SHANK1: variants seen among roughly 807,000 people sequenced by gnomAD.
SHANK1 encodes the protein SH3 and multiple ankyrin repeat domains 1.
SHANK1 carries 35 observed loss-of-function variants against 165.6 expected under a neutral mutation model. The observed-to-expected ratio is 0.21, with a 90% CI of 0.16 to 0.28. The LOEUF is 0.28. Among genes scored for constraint, SHANK1 ranks in the 10% least tolerant of loss-of-function variants. The pLI is 1.00. For synonymous variants in SHANK1, 1,428 were observed against 1,384.8 expected, an observed-to-expected ratio of 1.03 and a Z score of -0.69; for missense variants, 2,681 against 3,036.4, an observed-to-expected ratio of 0.88 and a Z score of 2.75.
chr19:50,668,987 C>T lies in SHANK1; in HGVS notation c.2973G>A (p.Gly991=), dbSNP rs1306796482. Residue 991 remains glycine, a synonymous_variant, in exon 23 of 24, where the codon GGG becomes GGA. Transcript: ENST00000293441. ...GGTGGTGGTGGGCCGGGGGCAGGGG[C>T]CCACTGTGGTACAGGCTCTTCTCGC... is the stretch of plus-strand genomic sequence containing the variant. ...GSREKSLYHS[G]PLPPAHHHPP... is the part of the protein sequence containing the mutation. 2.8e-6 allele frequency: 2 copies of T among 705,576 alleles called. No individual in the cohort carries two copies. Among genetic ancestry groups the T allele is most frequent in the South Asian group, 2.0e-5 (1 of 49,464 alleles). The allele number at this position is 705,576 out of a possible 1,614,324, so 43.7% of individuals were successfully genotyped here.
At chr19:50,715,807 G>T in intron 3 of SHANK1, 77 bp from the exon 4 acceptor site, 1 of 1,388,152 alleles carries the variant, frequency 7.2e-7, no homozygotes, top group Non-Finnish European at 1.0e-6. Context: ...TTGGGGTAGG[G>T]GAAGGTCTGA....
chr19:50,684,189 G>T (rs899850729), intron 21 of SHANK1, among the ~76,000 whole-genome samples: 1 of 151,994 alleles, frequency 6.6e-6, no homozygotes, highest in Non-Finnish European at 1.5e-5. Flanking sequence ...AAAGGTAAGA[G>T]CCCAGGGGAG....
chr19:50,689,527 C>T (rs2123138367), intron 15 of SHANK1: 2 of 643,994 alleles, frequency 3.1e-6, no homozygotes, highest in Non-Finnish European at 5.5e-6. Context: ...TGCATCCATC[C>T]ACCCATCCAT....
Position 50,667,157 on chromosome 19 carries a change from C to G in SHANK1, c.4803G>C (p.Pro1601=). 6.7e-7 allele frequency: 1 copy of G among 1,499,590 alleles called. No individual in the cohort carries two copies. Among genetic ancestry groups the G allele is most frequent in the Non-Finnish European group, 9.0e-7 (1 of 1,113,484 alleles). The allele number at this position is 1,499,590 out of a possible 1,614,324, so 92.9% of individuals were successfully genotyped here. A position where few individuals can be genotyped will look rare whatever the true frequency, so the allele number is the denominator to read the frequency against. The part of the protein sequence containing the change: ...PLPDTPAPAT[P]LPPVPPPAVA... ...CAGCCGGGGGTGGCACAGGGGGTAACGGGGTGGCAGGGGCAGGTGTGTCGG... is the reference window on the plus strand; with the variant it reads ...CAGCCGGGGGTGGCACAGGGGGTAAGGGGGTGGCAGGGGCAGGTGTGTCGG... Residue 1601 remains proline, a synonymous_variant, in exon 23 of 24, where the codon CCG becomes CCC. Coordinates refer to ENST00000293441, the MANE Select transcript of SHANK1 (RefSeq NM_016148.5). The surrounding 1 kb of genome is among the most constrained non-coding windows in gnomAD (Gnocchi z 5.7).
At chr19:50,676,695 T>C (rs1366679595) in intron 21 of SHANK1, among the ~76,000 whole-genome samples, 2 of 152,208 alleles carry the variant, frequency 1.3e-5, no homozygotes, top group Non-Finnish European at 2.9e-5. Context: ...GTTTACTGTC[T>C]GTCTCCCTAG....
chr19:50,705,048 G>GA (rs983573763), intron 8 of SHANK1, among the ~76,000 whole-genome samples: 21 of 147,700 alleles, frequency 1.4e-4, no homozygotes, highest in Admixed American at 8.1e-4. Flanking sequence ...CTCCCCCCCA[G>GA]AAAAAAAAAA....
At chr19:50,677,719 C>A (rs891376996) in intron 21 of SHANK1, among the ~76,000 whole-genome samples, 39 of 152,226 alleles carry the variant, frequency 2.6e-4, no homozygotes, top group Non-Finnish European at 4.9e-4. Context: ...CAGGGCAAAA[C>A]CCCAGCCTGT....
chr19:50,665,902 A>ATGCCTGTAATCTCAGCTACT (rs775149350), intron 23 of SHANK1, among the ~76,000 whole-genome samples: 2 of 135,648 alleles, frequency 1.5e-5, no homozygotes, highest in Non-Finnish European at 3.2e-5. Flanking sequence ...GTGTGGTGGC[A>ATGCCTGTAATCTCAGCTACT]TGGGAGGCTG....
At position 50,688,429 on chromosome 19, in the gene SHANK1, C is replaced by T. The variant is rs748022857; in HGVS notation, c.2173-371G>A. 3.3e-5 allele frequency among the ~76,000 whole-genome samples: 5 copies of T among 152,180 alleles called. No homozygotes were observed. The highest frequency in any genetic ancestry group is 2.9e-5 in the Non-Finnish European group (2 of 68,024). On this transcript the variant is annotated intron_variant, in intron 17 of 23. Coordinates refer to ENST00000293441, the MANE Select transcript of SHANK1 (RefSeq NM_016148.5). The surrounding 1 kb of genome is among the most constrained non-coding windows in gnomAD (Gnocchi z 6.7). ...GACTTCCTGGGCTCAAGCAATTCTC[C>T]CACCTCAGCCTCCAGAATAGCTGGG... is the stretch of plus-strand genomic sequence containing the variant.
rs867248273 is a variant in SHANK1, at chr19:50,666,490, G to A, written c.5470C>T (p.Pro1824Ser). ...GAGGAGGCCGTCGGCAAGGGCACCG[G>A]TGGGACTTCTGGCTCTACAGCCACC... The part of the protein sequence containing the change: ...GPVAVEPEVP[P>S]VPLPTASSLP... Residue 1824 changes from proline to serine, a missense_variant, in exon 23 of 24, where the codon CCG becomes TCG. Physicochemically the swap from Pro to Ser is moderately conservative, Grantham distance 74. Around this residue, in one of 10 missense-constraint regions of SHANK1, gnomAD observed 1,713 missense variants for 1,630.2 expected, o/e 1.05. Coordinates refer to ENST00000293441, the MANE Select transcript of SHANK1 (RefSeq NM_016148.5). The A allele has an allele frequency of 6.3e-7, 1 of 1,596,726 alleles. No individual in the cohort carries two copies. Among genetic ancestry groups the A allele is most frequent in the Middle Eastern group, 1.7e-4 (1 of 5,896 alleles).
Position 50,690,065 on chromosome 19 carries a change from T to C in SHANK1, c.1965-786A>G, listed in dbSNP as rs1044661560. 2.6e-5 allele frequency among the ~76,000 whole-genome samples: 4 copies of C among 152,154 alleles called. No individual in the cohort carries two copies. The highest frequency in any genetic ancestry group is 9.7e-5 in the African/African-American group (4 of 41,436). ...CTGCACATGGCTGGTGGCCACCACATTGGACAGTACAGATATAGAACATTT... is the reference window on the plus strand; with the variant it reads ...CTGCACATGGCTGGTGGCCACCACACTGGACAGTACAGATATAGAACATTT... On this transcript the variant is annotated intron_variant, in intron 15 of 23. Transcript: ENST00000293441. The surrounding 1 kb of genome is among the most constrained non-coding windows in gnomAD (Gnocchi z 4.9).
chr19:50,699,895 G>A (rs1986854726), intron 12 of SHANK1, among the ~76,000 whole-genome samples: 4 of 147,568 alleles, frequency 2.7e-5, no homozygotes, highest in African/African-American at 1.0e-4. Flanking sequence ...GAGGGCTCGG[G>A]GCATTGGAGG....
chr19:50,711,684 A>C (rs2089012642), intron 7 of SHANK1, among the ~76,000 whole-genome samples, 197 bp from the exon 8 acceptor site: 1 of 152,184 alleles, frequency 6.6e-6, no homozygotes, highest in South Asian at 2.1e-4. Flanking sequence ...CAGTCATTCC[A>C]AGGCCCAGGC....
chr19:50,697,760 G>A lies in SHANK1; in HGVS notation c.1861+83C>T. 1 of 1,509,512 alleles carries A rather than the reference G, an allele frequency of 6.6e-7. No homozygotes were observed. Among genetic ancestry groups the A allele is most frequent in the Non-Finnish European group, 9.2e-7 (1 of 1,087,270 alleles). 93.5% of individuals were successfully genotyped at this position (1,509,512 alleles called of 1,614,324 possible). On this transcript the variant is annotated intron_variant, in intron 13 of 23. Coordinates refer to ENST00000293441, the MANE Select transcript of SHANK1 (RefSeq NM_016148.5). The surrounding 1 kb of genome is among the most constrained non-coding windows in gnomAD (Gnocchi z 4.7). The stretch of plus-strand genomic sequence containing the variant: ...CCCAAGTCTTCCCATCTACCTCCCA[G>A]TACCCCACCCCCATTAGGAAGGGAA...
At position 50,661,755 on chromosome 19, in the gene SHANK1, ACT is replaced by A; in HGVS notation, c.*208_*209del. 4 of 520,618 alleles carry A rather than the reference ACT, an allele frequency of 7.7e-6. No homozygotes were observed. The highest frequency in any genetic ancestry group is 1.4e-5 in the Non-Finnish European group (4 of 295,306). The allele number at this position is 520,618 out of a possible 1,614,324, so 32.2% of individuals were successfully genotyped here. A position where few individuals can be genotyped will look rare whatever the true frequency, so the allele number is the denominator to read the frequency against. Reference sequence around the variant, plus strand: ...CTCCCCGCTTCACACACACACACACACTCTTGTGTCAGCTGCCCCCCTTCAGT... The same window carrying A: ...CTCCCCGCTTCACACACACACACACACTTGTGTCAGCTGCCCCCCTTCAGT... On this transcript the variant is annotated 3_prime_UTR_variant, in exon 24 of 24. Transcript: ENST00000293441.
At chr19:50,711,511 G>A in intron 7 of SHANK1, 24 bp from the exon 8 acceptor site, 1 of 1,518,072 alleles carries the variant, frequency 6.6e-7, no homozygotes. Context: ...GGAGCGAGGG[G>A]CATGGATCAG....
chr19:50,691,454 C>T (rs1249137151), intron 15 of SHANK1, among the ~76,000 whole-genome samples: 2 of 152,098 alleles, frequency 1.3e-5, no homozygotes, highest in Non-Finnish European at 1.5e-5. Context: ...TCTCCCTCCC[C>T]TCTGGAATCT....
chr19:50,659,624 TTG>T lies in SHANK1; in HGVS notation c.*2339_*2340del, dbSNP rs1985108408. Among the ~76,000 whole-genome samples, 2 of 149,924 alleles carry T rather than the reference TTG, an allele frequency of 1.3e-5. No individual in the cohort carries two copies. Among genetic ancestry groups the T allele is most frequent in the African/African-American group, 4.9e-5 (2 of 40,828 alleles). Reference sequence around the variant, plus strand: ...TTTCAGGTTTTTTTTCTGGATTTTTTTGTGTGTTCTAGGGGTTTTGTGTTTTT... The same window carrying T: ...TTTCAGGTTTTTTTTCTGGATTTTTTTGTGTTCTAGGGGTTTTGTGTTTTT... On this transcript the variant is annotated 3_prime_UTR_variant, in exon 24 of 24. Coordinates refer to ENST00000293441, the MANE Select transcript of SHANK1 (RefSeq NM_016148.5).
Position 50,667,486 on chromosome 19 carries a change from C to A in SHANK1, c.4474G>T (p.Val1492Leu), listed in dbSNP as rs1259033307. ...GGCTGGCAGTTTTCAAGGAACCGCA[C>A]GTGCAGCGGCAGCCGCTCGGGTTCT... is the stretch of plus-strand genomic sequence containing the variant. Reference protein sequence around the residue: ...PEEPERLPLHVRFLENCQPRA... With the variant: ...PEEPERLPLHLRFLENCQPRA... The change falls in exon 23 of 24, where the codon GTG becomes TTG. Residue 1492 changes from valine to leucine, a missense_variant. Transcript: ENST00000293441. The surrounding 1 kb of genome is among the most constrained non-coding windows in gnomAD (Gnocchi z 5.7). 1 of 1,528,248 alleles carries A rather than the reference C, an allele frequency of 6.5e-7. No homozygotes were observed. Among genetic ancestry groups the A allele is most frequent in the Non-Finnish European group, 8.7e-7 (1 of 1,148,774 alleles). The allele number at this position is 1,528,248 out of a possible 1,614,324, so 94.7% of individuals were successfully genotyped here.
Sources: gnomAD v4.1 joint callset for allele counts (sites outside exome capture counted in the v4.1 genomes callset) on GRCh38, gnomAD v4.1.1 for gene constraint, gnomAD v4.1.1 regional missense constraint, Gnocchi (gnomAD v3.1) non-coding constraint, MANE v1.5 for transcripts, NCBI Gene and HGNC (gene_info 2026-07-23, HGNC 2026-07-21) for gene names.